Variants in DENND10 observed in about 807,000 individuals in gnomAD.
DENND10 encodes the protein DENN domain containing 10.
DENND10 carries 24 observed loss-of-function variants against 43.6 expected under a neutral mutation model. The observed-to-expected ratio is 0.55, with a 90% CI of 0.40 to 0.77. The LOEUF (loss-of-function observed/expected upper bound fraction) is 0.77, where lower values mean the gene tolerates loss of function less well. DENND10 is among the 30% of genes least tolerant of loss of function. The pLI is 0.00. For synonymous variants in DENND10, 125 were observed against 157.6 expected (o/e 0.79, Z 1.55); for missense variants, 303 against 429.9 (o/e 0.70, Z 2.61).
At chr10:119,115,260 T>G (rs1430768891) in intron 3 of DENND10, among the ~76,000 whole-genome samples, 1 of 151,960 alleles carries the variant, frequency 6.6e-6, no homozygotes, top group Non-Finnish European at 1.5e-5. Flanking sequence ...ATCAGAGAAG[T>G]TTTTCTCCCT....
intron 7 of DENND10, among the ~76,000 whole-genome samples, chr10:119,130,437 C>T (rs537730866): frequency 6.6e-6 from 1 of 152,270 alleles, no homozygotes; most frequent in South Asian, 2.1e-4. Flanking sequence ...GGATTACTTA[C>T]ATATGTGAGC....
intron 1 of DENND10, chr10:119,105,491 T>G (rs1373930970): frequency 2.6e-6 from 3 of 1,172,200 alleles, no homozygotes; most frequent in Non-Finnish European, 3.3e-6. Flanking sequence ...CGACATGTTG[T>G]CCAGGTGGAT....
At chr10:119,128,618 C>A (rs200706331) in intron 6 of DENND10, among the ~76,000 whole-genome samples, 34 of 131,552 alleles carry the variant, frequency 2.6e-4, no homozygotes, top group African/African-American at 5.1e-4. Flanking sequence ...AAAAAAAAAA[C>A]AAAAAAACTG....
intron 2 of DENND10, 49 bp downstream of exon 2, chr10:119,108,213 G>A (rs375666363): frequency 1.7e-4 from 233 of 1,352,670 alleles, no homozygotes; most frequent in South Asian, 2.9e-4. Flanking sequence ...GGCTGGGCGC[G>A]GTGGCTCATG....
At chr10:119,112,006 G>C in intron 3 of DENND10, 78 bp downstream of exon 3, 1 of 1,093,650 alleles carries the variant, frequency 9.1e-7, no homozygotes, top group Admixed American at 1.8e-5. Context: ...TTTCTACACT[G>C]AGAAAGCAAA....
chr10:119,104,581 C>T (rs1454540228), intron 1 of DENND10, among the ~76,000 whole-genome samples: 4 of 65,916 alleles, frequency 6.1e-5, no homozygotes, highest in Non-Finnish European at 1.0e-4. Flanking sequence ...CGGGAGCAGC[C>T]GGCTGGCGGC....
intron 6 of DENND10, 86 bp from the exon 7 acceptor site, chr10:119,129,428 AG>A: frequency 1.3e-6 from 1 of 785,540 alleles, no homozygotes; most frequent in East Asian, 2.5e-5. Flanking sequence ...GAAAGAGAGC[AG>A]TCGATGAGCT....
chr10:119,108,764 C>G (rs147266265), intron 2 of DENND10, among the ~76,000 whole-genome samples: 7,198 of 151,188 alleles, frequency 0.048, 490 homozygotes, highest in African/African-American at 0.15. Context: ...AAGCGATTCA[C>G]CTGCTTCAGC....
rs530501349 is a variant in DENND10 at position 119,128,368 on chromosome 10, G to C, written c.695-1147G>C. On this transcript the variant is annotated intron_variant, in intron 6 of 8. Transcript: ENST00000361432. ...CTCACGCCTGTAATCCCAGCGCTTTGGAAGGCTGAGGCAGGCGGATCACGA... is the reference window on the plus strand; with the variant it reads ...CTCACGCCTGTAATCCCAGCGCTTTCGAAGGCTGAGGCAGGCGGATCACGA... Among the ~76,000 whole-genome samples, 11 of 152,164 alleles carry C rather than the reference G, an allele frequency of 7.2e-5. No homozygotes were observed. In the South Asian group the frequency reaches 2.1e-3, roughly 29 times the overall value.
Position 119,123,540 on chromosome 10 carries a change from A to G in DENND10, c.665A>G (p.Asp222Gly). 6.2e-7 allele frequency: 1 copy of G among 1,612,642 alleles called. No individual in the cohort carries two copies. The highest frequency in any genetic ancestry group is 8.5e-7 in the Non-Finnish European group (1 of 1,179,534). ...CACTCTTACGTGCACCTCAACGCCGATGAGCTGGAAGCCCTGCAGATGTGC... is the reference window on the plus strand; with the variant it reads ...CACTCTTACGTGCACCTCAACGCCGGTGAGCTGGAAGCCCTGCAGATGTGC... ...ILHSYVHLNA[D>G]ELEALQMCTG... Residue 222 changes from aspartate to glycine, a missense_variant, in exon 6 of 9, where the codon GAT (aspartate) becomes GGT (glycine). By Grantham distance (94) the Asp-to-Gly change is moderately conservative (BLOSUM62 -1). Transcript: ENST00000361432.
chr10:119,104,779 G>C (rs535248511), intron 1 of DENND10: 2 of 152,596 alleles, frequency 1.3e-5, no homozygotes, highest in African/African-American at 2.4e-5. Flanking sequence ...ACCAAGGACC[G>C]AGGGGCCGTG....
intron 6 of DENND10, among the ~76,000 whole-genome samples, chr10:119,123,931 C>G (rs1268167207): frequency 1.3e-5 from 2 of 150,652 alleles, no homozygotes; most frequent in Non-Finnish European, 1.5e-5. Context: ...GTAGCTCACA[C>G]CTGTAATTCC....
At chr10:119,116,537 G>A (rs1422804343) in intron 3 of DENND10, among the ~76,000 whole-genome samples, 2 of 152,138 alleles carry the variant, frequency 1.3e-5, no homozygotes, top group Non-Finnish European at 2.9e-5. Context: ...TGAGAATCCT[G>A]GGACCTCAGG....
At chr10:119,125,738 A>G (rs949766037) in intron 6 of DENND10, among the ~76,000 whole-genome samples, 1 of 151,904 alleles carries the variant, frequency 6.6e-6, no homozygotes, top group African/African-American at 2.4e-5. Context: ...GCTGGTCTCA[A>G]ACTTCTGACC....
At chr10:119,104,300 G>C (rs905701114) in intron 1 of DENND10, 103 bp downstream of exon 1, 12 of 1,104,204 alleles carry the variant, frequency 1.1e-5, no homozygotes, top group Non-Finnish European at 1.4e-5. Context: ...GGCGCCGACC[G>C]CATGAGGAGG....
chr10:119,118,296 C>T (rs982803085), intron 4 of DENND10, among the ~76,000 whole-genome samples: 11 of 152,086 alleles, frequency 7.2e-5, no homozygotes, highest in African/African-American at 2.4e-4. Flanking sequence ...AATATTTTCT[C>T]GCTGGTGGGC....
At chr10:119,115,382 A>ATTTTTTTTGTTTTT (rs1845200989) in intron 3 of DENND10, among the ~76,000 whole-genome samples, 1 of 48,392 alleles carries the variant, frequency 2.1e-5, no homozygotes, top group Non-Finnish European at 4.0e-5. Flanking sequence ...TGAATTGGTA[A>ATTTTTTTTGTTTTT]TTTTTTTTTT....
Position 119,136,467 on chromosome 10 carries a change from A to T in DENND10, c.898-4A>T, listed in dbSNP as rs919162466. ...GTTGCATATATTTTCCTGTTCTATT[A>T]AAGGATATTGCTCTAAAAACAAGAG... On this transcript the variant is annotated splice_region_variant and splice_polypyrimidine_tract_variant and intron_variant, in intron 8 of 8. Transcript: ENST00000361432. 8 of 1,602,720 alleles carry T rather than the reference A, an allele frequency of 5.0e-6. No homozygotes were observed. The highest frequency in any genetic ancestry group is 6.8e-6 in the Non-Finnish European group (8 of 1,177,274).
chr10:119,118,351 T>C (rs931955095), intron 4 of DENND10, among the ~76,000 whole-genome samples: 3 of 152,224 alleles, frequency 2.0e-5, no homozygotes, highest in African/African-American at 7.2e-5. Flanking sequence ...TTTCTTTTCT[T>C]AGATCTTAGC....
Sources: allele counts gnomAD v4.1 joint callset (sites outside exome capture counted in the v4.1 genomes callset), GRCh38; gene constraint gnomAD v4.1.1; transcripts MANE v1.5; gene names NCBI Gene and HGNC (gene_info 2026-07-23, HGNC 2026-07-21).